Variants in PFN2 observed in about 807,000 individuals in gnomAD.
PFN2 encodes the protein profilin 2, also known as profilin-2.
PFN2 carries 8 observed loss-of-function variants against 15.3 expected under a neutral mutation model. That is an observed-to-expected ratio of 0.52 (90% CI 0.31 to 0.95). The LOEUF (loss-of-function observed/expected upper bound fraction) is 0.95. Among genes scored for constraint, PFN2 ranks in the 40% least tolerant of loss-of-function variants. PFN2 has a pLI of 0.05. For missense variants in PFN2, 111 were observed against 182.3 expected, an observed-to-expected ratio of 0.61 and a Z score of 2.25; for synonymous variants, 79 against 67.9, an observed-to-expected ratio of 1.16 and a Z score of -0.81.
chr3:149,968,568 G>GAAA lies in PFN2; in HGVS notation c.133-21_133-19dup. 1 of 1,155,052 alleles carries GAAA rather than the reference G, an allele frequency of 8.7e-7. No homozygotes were observed. Among genetic ancestry groups the GAAA allele is most frequent in the Non-Finnish European group, 1.1e-6 (1 of 925,456 alleles). 71.6% of individuals were successfully genotyped at this position (1,155,052 alleles called of 1,614,324 possible). ...TCTATTGGCTGCCCCCCACCAAAAAGAAAAAAAAAAAACACACACACATTA... is the reference window on the plus strand; with the variant it reads ...TCTATTGGCTGCCCCCCACCAAAAAGAAAAAAAAAAAAAAACACACACACATTA... On this transcript the variant is annotated intron_variant, in intron 1 of 2. Coordinates refer to ENST00000239940, the MANE Select transcript of PFN2 (RefSeq NM_053024.4).
rs1372589269 is a variant in PFN2, at chr3:149,966,070, T to A, written c.*419A>T. 4 of 1,526,018 alleles carry A rather than the reference T, an allele frequency of 2.6e-6. No individual in the cohort carries two copies. The highest frequency in any genetic ancestry group is 3.5e-6 in the Non-Finnish European group (4 of 1,139,924). The allele number at this position is 1,526,018 out of a possible 1,614,324, so 94.5% of individuals were successfully genotyped here. ...AGGAATCATGACATTAGAAAATAGG[T>A]AAAGAAAAATTAGCTACCATCTACA... On this transcript the variant is annotated 3_prime_UTR_variant, in exon 3 of 3. Coordinates refer to ENST00000239940, the MANE Select transcript of PFN2 (RefSeq NM_053024.4).
In PFN2 at chr3:149,966,133, G is replaced by A; in HGVS notation, c.*356C>T. ...TGTGACCATAATTAGGGTTGTTGAT[G>A]AAGACAGTTGCTAGGTAGATGGGGA... On this transcript the variant is annotated 3_prime_UTR_variant, in exon 3 of 3. Coordinates refer to ENST00000239940, the MANE Select transcript of PFN2 (RefSeq NM_053024.4). 1 of 1,602,186 alleles carries A rather than the reference G, an allele frequency of 6.2e-7. No individual in the cohort carries two copies. Among genetic ancestry groups the A allele is most frequent in the Non-Finnish European group, 8.5e-7 (1 of 1,175,356 alleles).
intron 1 of PFN2, chr3:149,969,019 T>C (rs1026683152): frequency 1.3e-5 from 2 of 154,524 alleles, no homozygotes; most frequent in African/African-American, 4.8e-5. Context: ...TCTCCCAAAA[T>C]AAAGCCTGTT....
Position 149,966,229 on chromosome 3 carries a change from C to G in PFN2, c.*260G>C, listed in dbSNP as rs374675748. The stretch of plus-strand genomic sequence containing the variant: ...TATGCTTTCTTGTTAAGTGTGCCTC[C>G]GTGGACACCTTCCTTTCCCATGACT... On this transcript the variant is annotated 3_prime_UTR_variant, in exon 3 of 3. Transcript: ENST00000239940. 1 of 1,613,578 alleles carries G rather than the reference C, an allele frequency of 6.2e-7. No homozygotes were observed. Among genetic ancestry groups the G allele is most frequent in the Non-Finnish European group, 8.5e-7 (1 of 1,179,692 alleles).
chr3:149,968,541 T>C lies in PFN2; in HGVS notation c.142A>G (p.Ile48Val). ...GVFQSITPIE[I>V]DMIVGKDREG... ...CGGTCTTTTCCTACAATCATATCTA[T>C]TTCTATTGGCTGCCCCCCACCAAAA... is the stretch of plus-strand genomic sequence containing the variant. Residue 48 changes from isoleucine (I) to valine (V), a missense_variant, in exon 2 of 3, where the codon ATA becomes GTA. Ile to Val is a conservative substitution (Grantham distance 29). Coordinates refer to ENST00000239940, the MANE Select transcript of PFN2 (RefSeq NM_053024.4). 1.2e-6 allele frequency: 2 copies of C among 1,600,760 alleles called. No homozygotes were observed. The highest frequency in any genetic ancestry group is 1.7e-6 in the Non-Finnish European group (2 of 1,176,850).
At chr3:149,968,579 AACAC>A in intron 1 of PFN2, 29 bp from the exon 2 acceptor site, 3 of 1,272,566 alleles carry the variant, frequency 2.4e-6, no homozygotes. Flanking sequence ...AAAAAAAAAA[AACAC>A]ACACACATTA....
At chr3:149,968,592 T>A in intron 1 of PFN2, 42 bp from the exon 2 acceptor site, 1 of 1,416,860 alleles carries the variant, frequency 7.1e-7, no homozygotes, top group Non-Finnish European at 9.7e-7. Context: ...ACACACACAT[T>A]AAGTTGTAGT....
chr3:149,969,607 G>C (rs545742518), intron 1 of PFN2, among the ~76,000 whole-genome samples: 1 of 152,218 alleles, frequency 6.6e-6, no homozygotes, highest in Non-Finnish European at 1.5e-5. Context: ...AGTGGTAAAA[G>C]AATAATTAGC....
At chr3:149,969,381 A>G (rs1047977122) in intron 1 of PFN2, among the ~76,000 whole-genome samples, 1 of 152,234 alleles carries the variant, frequency 6.6e-6, no homozygotes, top group African/African-American at 2.4e-5. Context: ...TCAGAACTGC[A>G]GAGTCATAGC....
intron 1 of PFN2, 51 bp from the exon 2 acceptor site, chr3:149,968,601 G>A (rs1722756833): frequency 2.0e-6 from 3 of 1,513,650 alleles, no homozygotes; most frequent in Non-Finnish European, 2.7e-6. Context: ...TTAAGTTGTA[G>A]TTAACTCCTT....
At position 149,965,529 on chromosome 3, in the gene PFN2, C is replaced by T. The variant is rs1722659530; in HGVS notation, c.*960G>A. 24 of 1,391,846 alleles carry T rather than the reference C, an allele frequency of 1.7e-5. 1 individual carries two copies. The South Asian group carries it at 4.2e-4, about 25-fold the overall frequency. 86.2% of individuals were successfully genotyped at this position (1,391,846 alleles called of 1,614,324 possible). A position where few individuals can be genotyped will look rare whatever the true frequency, so the allele number is the denominator to read the frequency against. On this transcript the variant is annotated 3_prime_UTR_variant, in exon 3 of 3. Transcript: ENST00000239940. The stretch of plus-strand genomic sequence containing the variant: ...GCTCTTGTTTTGCCATTGCACTCTT[C>T]ATATGTCCTGTAGACACTATGAATA...
In PFN2 at chr3:149,968,451, G is replaced by A; in HGVS notation, c.232C>T (p.Leu78=). 1 of 1,613,886 alleles carries A rather than the reference G, an allele frequency of 6.2e-7. No individual in the cohort carries two copies. The highest frequency in any genetic ancestry group is 2.2e-5 in the East Asian group (1 of 44,868). The part of the protein sequence containing the change: ...AKKCSVIRDS[L]YVDGDCTMDI... Reference sequence around the variant, plus strand: ...ATTGTGCAGTCACCATCGACGTATAGACTATCTCTGATCACTGAGCATTTC... The same window carrying A: ...ATTGTGCAGTCACCATCGACGTATAAACTATCTCTGATCACTGAGCATTTC... Residue 78 remains leucine (L), a synonymous_variant, in exon 2 of 3, where the codon CTA becomes TTA. Transcript: ENST00000239940.
intron 1 of PFN2, 121 bp downstream of exon 1, chr3:149,970,604 C>T: frequency 1.9e-6 from 2 of 1,028,266 alleles, no homozygotes; most frequent in Non-Finnish European, 1.3e-6. Flanking sequence ...CCTCGGCGCC[C>T]GCTGCCTAGC....
chr3:149,970,559 G>C (rs2108631841), intron 1 of PFN2, 166 bp downstream of exon 1: 2 of 566,320 alleles, frequency 3.5e-6, no homozygotes, highest in South Asian at 7.5e-5. Context: ...GGGCGTCCCC[G>C]GGCCTCGGCC....
chr3:149,969,537 G>A (rs756591044), intron 1 of PFN2, among the ~76,000 whole-genome samples: 5 of 152,134 alleles, frequency 3.3e-5, no homozygotes, highest in Non-Finnish European at 7.4e-5. Flanking sequence ...GCGGGTATAC[G>A]AGACCTTAAA....
rs746998778 is a variant in PFN2, at chr3:149,966,290, A to G, written c.*199T>C. ...CTGGAGTACACAAGGAAACAAAACA[A>G]AAGTGAACAGAATTATTTTGGGGGG... On this transcript the variant is annotated 3_prime_UTR_variant, in exon 3 of 3. Transcript: ENST00000239940. 9.9e-6 allele frequency: 16 copies of G among 1,610,882 alleles called. No individual in the cohort carries two copies. The highest frequency in any genetic ancestry group is 1.7e-4 in the Middle Eastern group (1 of 6,042).
chr3:149,965,320 C>T lies in PFN2; in HGVS notation c.*1169G>A, dbSNP rs890769213. ...TTGGTCCTATGAAGAACAAACTGGA[C>T]ACACTCCAGATGGTTATGTTGGGAT... On this transcript the variant is annotated 3_prime_UTR_variant, in exon 3 of 3. Transcript: ENST00000239940. The T allele has an allele frequency of 3.3e-6, 5 of 1,533,144 alleles. No homozygotes were observed. In the African/African-American group the frequency reaches 5.5e-5, roughly 17 times the overall value. The allele number at this position is 1,533,144 out of a possible 1,614,324, so 95.0% of individuals were successfully genotyped here.
At chr3:149,969,456 CAA>C (rs1035537243) in intron 1 of PFN2, among the ~76,000 whole-genome samples, 5 of 152,190 alleles carry the variant, frequency 3.3e-5, no homozygotes, top group Non-Finnish European at 7.3e-5. Flanking sequence ...AACTCACACA[CAA>C]AGACAAGAGG....
At position 149,970,665 on chromosome 3, in the gene PFN2, C is replaced by G; in HGVS notation, c.132+60G>C. ...TTCCAGCCCCGCGCTGCGGTGCCCC[C>G]GCGGCCGGCCACCCCGCTCCGGTGC... On this transcript the variant is annotated intron_variant, in intron 1 of 2. Transcript: ENST00000239940. The G allele has an allele frequency of 2.1e-6, 3 of 1,436,026 alleles. No homozygotes were observed. In the South Asian group the frequency reaches 4.0e-5, roughly 19 times the overall value. 89.0% of individuals were successfully genotyped at this position (1,436,026 alleles called of 1,614,324 possible). A position where few individuals can be genotyped will look rare whatever the true frequency, so the allele number is the denominator to read the frequency against.
Sources: gnomAD v4.1 joint callset for allele counts (sites outside exome capture counted in the v4.1 genomes callset) on GRCh38, gnomAD v4.1.1 for gene constraint, MANE v1.5 for transcripts, NCBI Gene and HGNC (gene_info 2026-07-23, HGNC 2026-07-21) for gene names.